RPP30: variants seen among roughly 807,000 people sequenced by gnomAD.
The protein encoded by RPP30 is ribonuclease P protein subunit p30.
Under a neutral mutation model 38.6 loss-of-function variants are expected in RPP30, and 36 were observed. The ratio of observed to expected loss-of-function variants is 0.93; its 90% CI spans 0.71 to 1.23. RPP30 has a LOEUF of 1.23. Among genes scored for constraint, RPP30 ranks in the 50% most tolerant of loss-of-function variants. RPP30 has a pLI of 0.00. For synonymous variants in RPP30, 126 were observed against 112.7 expected, an observed-to-expected ratio of 1.12 and a Z score of -0.75; for missense variants, 321 against 321.7, an observed-to-expected ratio of 1.00 and a Z score of 0.02.
intron 1 of RPP30, among the ~76,000 whole-genome samples, chr10:90,873,005 C>G (rs1200063177): frequency 6.6e-6 from 1 of 152,186 alleles, no homozygotes; most frequent in East Asian, 1.9e-4. Flanking sequence ...TTCTTTGATC[C>G]TGTAAAATAA....
chr10:90,894,330 G>A (rs1032259441), intron 6 of RPP30, among the ~76,000 whole-genome samples: 1 of 152,118 alleles, frequency 6.6e-6, no homozygotes, highest in Non-Finnish European at 1.5e-5. Flanking sequence ...CCTGCCCTTG[G>A]TTCTTTGGGC....
At chr10:90,875,433 G>T in intron 2 of RPP30, 125 bp from the exon 3 acceptor site, 3 of 736,184 alleles carry the variant, frequency 4.1e-6, no homozygotes, top group Non-Finnish European at 6.8e-6. Context: ...TTGAATACCA[G>T]AAATCACCTT....
intron 6 of RPP30, among the ~76,000 whole-genome samples, chr10:90,887,115 A>T (rs1224744613): frequency 6.6e-6 from 1 of 151,900 alleles, no homozygotes; most frequent in Non-Finnish European, 1.5e-5. Context: ...CTACAGGTGC[A>T]TGCCACCACA....
intron 3 of RPP30, 128 bp downstream of exon 3, chr10:90,875,742 C>A: frequency 1.3e-6 from 1 of 780,804 alleles, no homozygotes; most frequent in Non-Finnish European, 2.2e-6. Flanking sequence ...TTCCTCAAGG[C>A]TCAGCTCTTC....
rs1847052326 is a variant in RPP30, at chr10:90,889,840, G to T, written c.432+3939G>T. On this transcript the variant is annotated intron_variant, in intron 6 of 10. Transcript: ENST00000371703. ...CTTAGGGCACCATAATTTCAATTAT[G>T]CAATTTCCTCTAAAATCTCCCACAA... is the stretch of plus-strand genomic sequence containing the variant. Among the ~76,000 whole-genome samples, 6 of 152,046 alleles carry T rather than the reference G, an allele frequency of 3.9e-5. 1 individual carries two copies. Among genetic ancestry groups the T allele is most frequent in the Admixed American group, 3.9e-4 (6 of 15,264 alleles).
rs377658471 is a variant in RPP30, at chr10:90,872,041, C to A, written c.55C>A (p.Arg19Ser). Residue 19 changes from arginine (R) to serine (S), a missense_variant, in exon 1 of 11, where the codon CGC becomes AGC. Transcript: ENST00000371703. The stretch of plus-strand genomic sequence containing the variant: ...AGCGGGTTCTGACCTGAAGGCTCTG[C>A]GCGGACTTGTGGAGACAGCCGCTCA... ...LRAGSDLKAL[R>S]GLVETAAHLG... 1.9e-6 allele frequency: 3 copies of A among 1,614,014 alleles called. No individual in the cohort carries two copies. The African/African-American group carries it at 4.0e-5, about 22-fold the overall frequency.
At chr10:90,889,753 A>G (rs1290443183) in intron 6 of RPP30, among the ~76,000 whole-genome samples, 3 of 152,170 alleles carry the variant, frequency 2.0e-5, no homozygotes, top group South Asian at 2.1e-4. Flanking sequence ...GCTCTATAGC[A>G]TACCAAACAC....
rs200808484 is a variant in RPP30 at position 90,885,910 on chromosome 10, A to G, written c.432+9A>G. ...GACCTCCTATTAATGTGGTAAGTGT[A>G]CTTTCCATTCTGTATTTGAATCTTA... is the stretch of plus-strand genomic sequence containing the variant. On this transcript the variant is annotated intron_variant, in intron 6 of 10. Transcript: ENST00000371703. The G allele has an allele frequency of 1.1e-5, 17 of 1,516,490 alleles. No individual in the cohort carries two copies. Among genetic ancestry groups the G allele is most frequent in the Admixed American group, 1.8e-5 (1 of 54,812 alleles). The allele number at this position is 1,516,490 out of a possible 1,614,324, so 93.9% of individuals were successfully genotyped here. A position where few individuals can be genotyped will look rare whatever the true frequency, so the allele number is the denominator to read the frequency against.
At chr10:90,897,440 T>C (rs1204280042) in intron 10 of RPP30, among the ~76,000 whole-genome samples, 1 of 152,232 alleles carries the variant, frequency 6.6e-6, no homozygotes, top group Non-Finnish European at 1.5e-5. Flanking sequence ...TGATTTTGCT[T>C]TTAGTTTCAA....
chr10:90,880,072 G>A (rs1047986585), intron 5 of RPP30: 3 of 145,386 alleles, frequency 2.1e-5, no homozygotes, highest in South Asian at 4.5e-4. Flanking sequence ...TTAAGAAAAG[G>A]GGAAAGAGTA....
At chr10:90,882,234 TTTGA>T (rs1416022391) in intron 5 of RPP30, among the ~76,000 whole-genome samples, 1 of 152,208 alleles carries the variant, frequency 6.6e-6, no homozygotes, top group East Asian at 1.9e-4. Context: ...TCTAACCTGC[TTTGA>T]TTGTGCACCC....
chr10:90,878,015 C>T (rs894321215), intron 4 of RPP30, among the ~76,000 whole-genome samples: 2 of 152,216 alleles, frequency 1.3e-5, no homozygotes, highest in Non-Finnish European at 2.9e-5. Flanking sequence ...TGGTGTCTTA[C>T]ACACCTGCAA....
intron 8 of RPP30, 171 bp from the exon 9 acceptor site, chr10:90,895,709 T>A (rs1847131995): frequency 1.9e-6 from 1 of 537,820 alleles, no homozygotes; most frequent in African/African-American, 2.0e-5. Context: ...AAAATGCCTT[T>A]CAAGCTTCTC....
intron 6 of RPP30, among the ~76,000 whole-genome samples, chr10:90,887,239 C>CT (rs1847014296): frequency 6.6e-6 from 1 of 151,924 alleles, no homozygotes. Flanking sequence ...AAGTGCTCAG[C>CT]TTACAGGCAT....
intron 7 of RPP30, chr10:90,895,102 G>T: frequency 1.7e-6 from 1 of 600,846 alleles, no homozygotes; most frequent in Non-Finnish European, 3.0e-6. Flanking sequence ...TGTGTTGGAA[G>T]CCATATCTTT....
downstream of RPP30, chr10:90,902,281 A>G (rs1476308103): frequency 3.4e-5 from 15 of 441,346 alleles, no homozygotes; most frequent in East Asian, 1.3e-4. Flanking sequence ...GCAGTGGCAC[A>G]ATCTCGGCTC....
chr10:90,880,444 T>C (rs1846912149), intron 5 of RPP30, among the ~76,000 whole-genome samples: 1 of 152,168 alleles, frequency 6.6e-6, no homozygotes, highest in Non-Finnish European at 1.5e-5. Context: ...AATGCAATTG[T>C]AGGCCGGGCA....
intron 5 of RPP30, 31 bp from the exon 6 acceptor site, chr10:90,885,781 T>C: frequency 6.8e-7 from 1 of 1,469,980 alleles, no homozygotes; most frequent in South Asian, 1.1e-5. Context: ...AATTTTCCTT[T>C]TGGCCTTACC....
intron 1 of RPP30, 32 bp downstream of exon 1, chr10:90,872,100 C>T (rs1420270887): frequency 1.9e-6 from 3 of 1,568,608 alleles, no homozygotes; most frequent in Non-Finnish European, 2.6e-6. Context: ...CCTGGCCAAC[C>T]TCATGCCACC....
Sources: allele counts gnomAD v4.1 joint callset (sites outside exome capture counted in the v4.1 genomes callset), GRCh38; gene constraint gnomAD v4.1.1; transcripts MANE v1.5; gene names NCBI Gene and HGNC (gene_info 2026-07-23, HGNC 2026-07-21).